The following INTS6 variants were observed in gnomAD, a reference collection of about 807,000 sequenced individuals.
The protein encoded by INTS6 is DEAD box protein.
INTS6 carries 16 observed loss-of-function variants against 104.9 expected under a neutral mutation model. The ratio of observed to expected loss-of-function variants is 0.15; its 90% CI spans 0.10 to 0.23. The LOEUF (loss-of-function observed/expected upper bound fraction) is 0.23, where lower values mean the gene tolerates loss of function less well. INTS6 is among the 10% of genes least tolerant of loss of function. The pLI, the probability that INTS6 is intolerant of heterozygous loss-of-function variation, is 1.00. For missense variants in INTS6, 584 were observed against 1,062.8 expected, an observed-to-expected ratio of 0.55 and a Z score of 6.26; for synonymous variants, 324 against 358.7, an observed-to-expected ratio of 0.90 and a Z score of 1.09.
At chr13:51,397,252 T>TA (rs1369043427) in intron 4 of INTS6, among the ~76,000 whole-genome samples, 1 of 152,028 alleles carries the variant, frequency 6.6e-6, no homozygotes, top group African/African-American at 2.4e-5. Flanking sequence ...ATCAAACCAT[T>TA]AAAAAAAGAA....
At chr13:51,434,191 T>C (rs1315388294) in intron 3 of INTS6, among the ~76,000 whole-genome samples, 2 of 152,214 alleles carry the variant, frequency 1.3e-5, no homozygotes, top group African/African-American at 4.8e-5. Flanking sequence ...GTAAAACTAT[T>C]CCTTTACTTG....
At chr13:51,403,005 G>A (rs77389510) in intron 4 of INTS6, among the ~76,000 whole-genome samples, 4,402 of 152,162 alleles carry the variant, frequency 0.029, 101 homozygotes, top group Non-Finnish European at 0.046. Context: ...GATAAACTAC[G>A]CCAAATAAAC....
Position 51,355,863 on chromosome 13 carries a change from G to C in INTS6, n.431-1527C>G, listed in dbSNP as rs545692525. Among the ~76,000 whole-genome samples, 19 of 152,272 alleles carry C rather than the reference G, an allele frequency of 1.2e-4. 2 individuals are homozygous for C. The East Asian group carries it at 3.7e-3, about 29-fold the overall frequency. Reference sequence around the variant, plus strand: ...CTCAGGTTTGTTTCTACTCTGGATAGTAAATTATCTGTGCAAAGATGATAC... The same window carrying C: ...CTCAGGTTTGTTTCTACTCTGGATACTAAATTATCTGTGCAAAGATGATAC... On this transcript the variant is annotated intron_variant and non_coding_transcript_variant, in intron 3 of 3. Transcript: ENST00000476666.
At chr13:51,412,037 G>A (rs940546319) in intron 4 of INTS6, among the ~76,000 whole-genome samples, 2 of 152,178 alleles carry the variant, frequency 1.3e-5, no homozygotes, top group Non-Finnish European at 2.9e-5. Context: ...TTATGCTAAA[G>A]AAGCCAGCCA....
intron 12 of INTS6, 65 bp from the exon 13 acceptor site, chr13:51,376,239 C>T (rs1255604404): frequency 7.5e-7 from 1 of 1,337,756 alleles, no homozygotes; most frequent in Non-Finnish European, 1.0e-6. Flanking sequence ...ACTAAAATCT[C>T]TAGCCTGCAG....
At chr13:51,429,785 A>AAAAAAAAAAAAATATATAT (rs1156333077) in intron 4 of INTS6, among the ~76,000 whole-genome samples, 8 of 92,376 alleles carry the variant, frequency 8.7e-5, no homozygotes, top group African/African-American at 3.2e-4. Context: ...AAAAAAAAAA[A>AAAAAAAAAAAAATATATAT]ATATATATAT....
At chr13:51,413,106 T>C (rs116019170) in intron 4 of INTS6, among the ~76,000 whole-genome samples, 3,038 of 152,318 alleles carry the variant, frequency 0.02, 53 homozygotes, top group African/African-American at 0.049. Flanking sequence ...AGTCCTTCCT[T>C]GTCACTGTGG....
chr13:51,402,453 T>C (rs1162298173), intron 4 of INTS6: 1 of 152,190 alleles, frequency 6.6e-6, no homozygotes, highest in Non-Finnish European at 1.5e-5. Context: ...AACCATGATA[T>C]TGTGGGCCTT....
intron 3 of INTS6, among the ~76,000 whole-genome samples, chr13:51,355,422 C>T (rs1259849441): frequency 6.6e-6 from 1 of 152,102 alleles, no homozygotes; most frequent in East Asian, 1.9e-4. Context: ...TCCCTCTAAC[C>T]GTCATGACTA....
intron 3 of INTS6, chr13:51,447,586 G>A (rs543752830): frequency 6.6e-6 from 1 of 152,036 alleles, no homozygotes; most frequent in Admixed American, 6.5e-5. Flanking sequence ...GCACATAGTA[G>A]GAAAGGTGCC....
chr13:51,409,120 C>T (rs570164326), intron 4 of INTS6, among the ~76,000 whole-genome samples: 40 of 151,950 alleles, frequency 2.6e-4, no homozygotes, highest in South Asian at 1.2e-3. Context: ...TATTTTATAA[C>T]GTGTGCTTAA....
chr13:51,431,890 T>C (rs1306360547), intron 3 of INTS6, among the ~76,000 whole-genome samples: 4 of 152,168 alleles, frequency 2.6e-5, no homozygotes, highest in Non-Finnish European at 5.9e-5. Flanking sequence ...TCCTCTGTAA[T>C]ATTCATGTTA....
At chr13:51,355,699 C>T (rs1200257894) in intron 3 of INTS6, among the ~76,000 whole-genome samples, 3 of 152,168 alleles carry the variant, frequency 2.0e-5, no homozygotes, top group Non-Finnish European at 4.4e-5. Flanking sequence ...AGTTGAATTG[C>T]TACTACCAAT....
chr13:51,407,554 G>A (rs569004907), intron 4 of INTS6, among the ~76,000 whole-genome samples: 2 of 152,008 alleles, frequency 1.3e-5, no homozygotes, highest in African/African-American at 4.8e-5. Context: ...AAAAATCCAG[G>A]GACTGATACC....
At chr13:51,346,737 C>CTCTA in the INTS6 span, among the ~76,000 whole-genome samples, 2 of 152,208 alleles carry the variant, frequency 1.3e-5, no homozygotes, top group Non-Finnish European at 1.5e-5. Flanking sequence ...ATCTTAAAGA[C>CTCTA]TCTAGGTCTA....
At chr13:51,337,174 G>A in the INTS6 span, among the ~76,000 whole-genome samples, 1 of 152,294 alleles carries the variant, frequency 6.6e-6, no homozygotes, top group South Asian at 2.1e-4. Context: ...AAATCCTCAA[G>A]GTCAGGGCTA....
At chr13:51,440,581 G>A (rs1029205868) in intron 3 of INTS6, 2 of 152,132 alleles carry the variant, frequency 1.3e-5, no homozygotes, top group Non-Finnish European at 1.5e-5. Context: ...TTCATGGTAA[G>A]TGCCCTATCT....
chr13:51,340,889 G>A, the INTS6 span: 1 of 600,736 alleles, frequency 1.7e-6, no homozygotes, highest in Non-Finnish European at 2.9e-6. Flanking sequence ...TGAAACAAGA[G>A]GGTGCAGCTC....
chr13:51,403,874 CA>C (rs1307796670), intron 4 of INTS6, among the ~76,000 whole-genome samples: 1 of 151,926 alleles, frequency 6.6e-6, no homozygotes, highest in Non-Finnish European at 1.5e-5. Flanking sequence ...AAAAGAGATG[CA>C]AAGCTAGAGT....
Sources: gnomAD v4.1 joint callset for allele counts (sites outside exome capture counted in the v4.1 genomes callset) on GRCh38, gnomAD v4.1.1 for gene constraint, MANE v1.5 for transcripts, NCBI Gene and HGNC (gene_info 2026-07-23, HGNC 2026-07-21) for gene names.